LEF1: variants seen among roughly 807,000 people sequenced by gnomAD.
The protein encoded by LEF1 is lymphoid enhancer-binding factor 1.
LEF1 carries 14 observed loss-of-function variants against 51.2 expected under a neutral mutation model. The observed-to-expected ratio is 0.27, with a 90% CI of 0.18 to 0.43. The LOEUF is 0.43. LEF1 is among the 20% of genes least tolerant of loss of function. The pLI, the probability that LEF1 is intolerant of heterozygous loss-of-function variation, is 1.00. For synonymous variants in LEF1, 185 were observed against 183.2 expected, an observed-to-expected ratio of 1.01 and a Z score of -0.08; for missense variants, 386 against 512.0, an observed-to-expected ratio of 0.75 and a Z score of 2.37.
Position 108,167,617 on chromosome 4 carries a change from C to G in LEF1, c.151G>C (p.Ala51Pro). 1 of 1,614,214 alleles carries G rather than the reference C, an allele frequency of 6.2e-7. No homozygotes were observed. Among genetic ancestry groups the G allele is most frequent in the Non-Finnish European group, 8.5e-7 (1 of 1,180,038 alleles). The change falls in exon 1 of 12, where the codon GCT (alanine) becomes CCT (proline). Residue 51 changes from alanine (A) to proline (P), a missense_variant. Physicochemically the swap from Ala to Pro is conservative, Grantham distance 27 (BLOSUM62 -1). This residue lies in a region of LEF1 where 335 missense variants were observed against 390.7 expected (regional missense o/e 0.86). Transcript: ENST00000265165. The surrounding 1 kb of genome is among the most constrained non-coding windows in gnomAD (Gnocchi z 5.7). ...ISHPEEEGDL[A>P]DIKSSLVNES... ...TTCACCAAGGAAGACTTGATGTCAG[C>G]TAAATCGCCTTCCTCTTCGGGATGA...
chr4:108,050,343 G>T (rs1298952701), intron 11 of LEF1, among the ~76,000 whole-genome samples: 1 of 152,160 alleles, frequency 6.6e-6, no homozygotes, highest in Non-Finnish European at 1.5e-5. Flanking sequence ...AAGACTGGTG[G>T]AGCCGGAAGT....
In LEF1 at chr4:108,075,474, A is replaced by G. The variant is rs1305728959; in HGVS notation, c.1008+2746T>C. ...CTGAATGTTCATTTGCCAATCATGAATTTCTTGAGAGGTTGCAAAAACAAA... is the reference window on the plus strand; with the variant it reads ...CTGAATGTTCATTTGCCAATCATGAGTTTCTTGAGAGGTTGCAAAAACAAA... On this transcript the variant is annotated intron_variant, in intron 8 of 11. Transcript: ENST00000265165. 2.6e-5 allele frequency: 4 copies of G among 152,234 alleles called. No homozygotes were observed. The East Asian group carries it at 7.7e-4, about 29-fold the overall frequency. The allele number at this position is 152,234 out of a possible 1,614,324, so 9.4% of individuals were successfully genotyped here. A position where few individuals can be genotyped will look rare whatever the true frequency, so the allele number is the denominator to read the frequency against.
At chr4:108,066,092 G>C (rs370069253) in intron 9 of LEF1, among the ~76,000 whole-genome samples, 22 of 152,172 alleles carry the variant, frequency 1.4e-4, no homozygotes, top group Non-Finnish European at 2.5e-4. Flanking sequence ...TGGTAAATAC[G>C]GAGTTTCACC....
intron 3 of LEF1, among the ~76,000 whole-genome samples, chr4:108,152,121 T>G (rs372059429): frequency 7.3e-5 from 11 of 151,582 alleles, no homozygotes; most frequent in Admixed American, 3.3e-4. Context: ...AAAGAGAGAG[T>G]AGTCACTCTT....
chr4:108,056,893 C>T (rs1230895551), intron 11 of LEF1, among the ~76,000 whole-genome samples: 3 of 145,818 alleles, frequency 2.1e-5, no homozygotes, highest in Non-Finnish European at 3.0e-5. Context: ...CCCAACTGGG[C>T]TAGGCCACTA....
chr4:108,148,349 G>A (rs1217156887), intron 3 of LEF1, among the ~76,000 whole-genome samples: 1 of 151,736 alleles, frequency 6.6e-6, no homozygotes, highest in African/African-American at 2.4e-5. Flanking sequence ...TTTTAAACAA[G>A]TAAACCAAAT....
At chr4:108,092,381 T>C (rs28660527) in intron 3 of LEF1, among the ~76,000 whole-genome samples, 69,577 of 152,066 alleles carry the variant, frequency 0.46, 17,882 homozygotes, top group Middle Eastern at 0.68. Context: ...TATGGTTTGC[T>C]TCCTGCCAAC....
chr4:108,121,810 T>C (rs566166120), intron 3 of LEF1, among the ~76,000 whole-genome samples: 1 of 152,358 alleles, frequency 6.6e-6, no homozygotes, highest in Admixed American at 6.5e-5. Context: ...CTGGTATAAC[T>C]ACTTAATGCC....
At chr4:108,107,891 C>T (rs956381160) in intron 3 of LEF1, among the ~76,000 whole-genome samples, 3 of 152,072 alleles carry the variant, frequency 2.0e-5, no homozygotes, top group African/African-American at 4.8e-5. Flanking sequence ...ACAATTACCA[C>T]ATGAAGATGC....
chr4:108,065,564 T>TAAAGAG (rs1738017377), intron 9 of LEF1, among the ~76,000 whole-genome samples: 1 of 152,186 alleles, frequency 6.6e-6, no homozygotes, highest in Non-Finnish European at 1.5e-5. Flanking sequence ...TGATATCTGC[T>TAAAGAG]CTTTGCCTCA....
intron 3 of LEF1, among the ~76,000 whole-genome samples, chr4:108,108,883 T>C (rs1037445134): frequency 6.6e-6 from 1 of 152,178 alleles, no homozygotes; most frequent in African/African-American, 2.4e-5. Flanking sequence ...GGACTGAAGA[T>C]CGTACAAATA....
At chr4:108,134,153 C>A (rs1194004800) in intron 3 of LEF1, among the ~76,000 whole-genome samples, 5 of 105,978 alleles carry the variant, frequency 4.7e-5, no homozygotes, top group African/African-American at 1.7e-4. Context: ...TTGGATTTTG[C>A]CACCAAATTT....
chr4:108,109,103 G>A (rs1403458219), intron 3 of LEF1, among the ~76,000 whole-genome samples: 1 of 152,220 alleles, frequency 6.6e-6, no homozygotes, highest in East Asian at 1.9e-4. Flanking sequence ...AAATCTGCTA[G>A]AAGCTACTTA....
intron 6 of LEF1, among the ~76,000 whole-genome samples, chr4:108,081,049 C>A (rs1327836414): frequency 6.6e-6 from 1 of 152,126 alleles, no homozygotes; most frequent in South Asian, 2.1e-4. Context: ...GATTCACACA[C>A]TAGGACGCAC....
At chr4:108,112,226 T>C (rs1284149939) in intron 3 of LEF1, among the ~76,000 whole-genome samples, 1 of 152,152 alleles carries the variant, frequency 6.6e-6, no homozygotes, top group Admixed American at 6.5e-5. Context: ...TTATGATGGT[T>C]TTCGTGTGGT....
At chr4:108,109,726 T>C (rs931538942) in intron 3 of LEF1, among the ~76,000 whole-genome samples, 8 of 152,168 alleles carry the variant, frequency 5.3e-5, no homozygotes, top group African/African-American at 1.9e-4. Flanking sequence ...ACATTCAGGG[T>C]ACTGAATAAG....
intron 3 of LEF1, among the ~76,000 whole-genome samples, chr4:108,105,501 A>G (rs1741107149): frequency 6.6e-6 from 1 of 151,600 alleles, no homozygotes; most frequent in Non-Finnish European, 1.5e-5. Context: ...TTTAATATCC[A>G]CTCCTTAAGA....
In LEF1 at chr4:108,163,650, T is replaced by A. The variant is rs889847505; in HGVS notation, c.332A>T (p.Tyr111Phe). The part of the protein sequence containing the change: ...LYNKGPSYSS[Y>F]SGYIMMPNMN... ...ATTTGGCATCATTATGTACCCGGAA[T>A]AACTCGAGTAGGAGGGTCCCTTGTT... Residue 111 changes from tyrosine (Y) to phenylalanine (F), a missense_variant, in exon 3 of 12, where the codon TAT becomes TTT. Tyr to Phe is a conservative substitution (Grantham distance 22). Coordinates refer to ENST00000265165, the MANE Select transcript of LEF1 (RefSeq NM_016269.5). 1.6e-5 allele frequency: 26 copies of A among 1,613,780 alleles called. No individual in the cohort carries two copies. Among genetic ancestry groups the A allele is most frequent in the Non-Finnish European group, 2.1e-5 (25 of 1,179,800 alleles).
At chr4:108,166,638 A>G in intron 1 of LEF1, 1 of 1,047,244 alleles carries the variant, frequency 9.5e-7, no homozygotes. Flanking sequence ...ACGTGTCTCT[A>G]TTTACTCTAC....
Sources: allele counts gnomAD v4.1 joint callset (sites outside exome capture counted in the v4.1 genomes callset), GRCh38; gene constraint gnomAD v4.1.1; regional missense constraint gnomAD v4.1.1; non-coding constraint Gnocchi (gnomAD v3.1); transcripts MANE v1.5; gene names NCBI Gene and HGNC (gene_info 2026-07-23, HGNC 2026-07-21).